The following GSPT1 variants were observed in gnomAD, a reference collection of about 807,000 sequenced individuals.
GSPT1 encodes G1 to S phase transition 1, also known as eukaryotic peptide chain release factor GTP-binding subunit ERF3A.
In GSPT1, 20 loss-of-function variants were observed where a neutral mutation model predicts 72.5. The ratio of observed to expected loss-of-function variants is 0.28; its 90% CI spans 0.19 to 0.40. The LOEUF is 0.40. GSPT1 is among the 10% of genes least tolerant of loss of function. The probability of loss-of-function intolerance (pLI) is 1.00; values close to 1 mark genes in which losing one functional copy is unlikely to be tolerated. For synonymous variants in GSPT1, 334 were observed against 293.5 expected (o/e 1.14, Z -1.41); for missense variants, 580 against 811.9 (o/e 0.71, Z 3.47).
In GSPT1 at chr16:11,894,764, A is replaced by G. The variant is rs540088172; in HGVS notation, c.698+190T>C. ...CTTAGCCTCTCAAAATGCTGGGATT[A>G]TAGGTGTGTTCCACCACACCAGGCC... is the stretch of plus-strand genomic sequence containing the variant. On this transcript the variant is annotated intron_variant, in intron 5 of 14. Coordinates refer to ENST00000434724, the MANE Select transcript of GSPT1 (RefSeq NM_002094.4). Among the ~76,000 whole-genome samples, 65 of 152,360 alleles carry G rather than the reference A, an allele frequency of 4.3e-4. No individual in the cohort carries two copies. The South Asian group carries it at 0.013, about 31-fold the overall frequency.
chr16:11,883,237 C>G lies in GSPT1; in HGVS notation c.1348-142G>C, dbSNP rs1164818123. 2.0e-5 allele frequency: 12 copies of G among 607,582 alleles called. No individual in the cohort carries two copies. The East Asian group carries it at 3.3e-4, about 17-fold the overall frequency. 37.6% of individuals were successfully genotyped at this position (607,582 alleles called of 1,614,324 possible). A position where few individuals can be genotyped will look rare whatever the true frequency, so the allele number is the denominator to read the frequency against. On this transcript the variant is annotated intron_variant, in intron 10 of 14. Transcript: ENST00000434724. ...AGAAGGCTTAGGTTCATCTTAAACTCAGTAACAAATACTCTATAATAATTT... is the reference window on the plus strand; with the variant it reads ...AGAAGGCTTAGGTTCATCTTAAACTGAGTAACAAATACTCTATAATAATTT...
chr16:11,884,804 C>T lies in GSPT1; in HGVS notation c.1347+377G>A, dbSNP rs369837119. Among the ~76,000 whole-genome samples the T allele has an allele frequency of 2.2e-4, 33 of 148,818 alleles. No individual in the cohort carries two copies. In the East Asian group the frequency reaches 3.0e-3, roughly 14 times the overall value. ...AAAGAAGGCCAGGTACGGTGGCTCA[C>T]GCCTGTAATCCCAGCACCTTGGGGG... On this transcript the variant is annotated intron_variant, in intron 10 of 14. Transcript: ENST00000434724.
intron 1 of GSPT1, among the ~76,000 whole-genome samples, chr16:11,914,123 C>T (rs577860656): frequency 2.6e-5 from 4 of 152,306 alleles, no homozygotes; most frequent in African/African-American, 9.6e-5. Context: ...GATGTCATGA[C>T]CCACCCCACT....
chr16:11,869,986 T>G lies in GSPT1; in HGVS notation c.*3133A>C, dbSNP rs991997469. The stretch of plus-strand genomic sequence containing the variant: ...CTACATCACAGTTCAAAGTCCCATA[T>G]TGTGAGAGCAGTACTTGTAGTTTAT... On this transcript the variant is annotated 3_prime_UTR_variant, in exon 15 of 15. Transcript: ENST00000434724. 6.6e-6 allele frequency: 1 copy of G among 152,216 alleles called. No homozygotes were observed. Among genetic ancestry groups the G allele is most frequent in the African/African-American group, 2.4e-5 (1 of 41,454 alleles). 9.4% of individuals were successfully genotyped at this position (152,216 alleles called of 1,614,324 possible).
intron 5 of GSPT1, among the ~76,000 whole-genome samples, chr16:11,892,115 G>A (rs1286598375): frequency 6.6e-6 from 1 of 150,816 alleles, no homozygotes; most frequent in East Asian, 2.0e-4. Context: ...AGGCTGAGGT[G>A]GGAGGATCCC....
chr16:11,893,638 G>A (rs185860329), intron 5 of GSPT1, among the ~76,000 whole-genome samples: 209 of 152,178 alleles, frequency 1.4e-3, no homozygotes, highest in African/African-American at 4.8e-3. Flanking sequence ...TGTTCTCCAC[G>A]TAGACATCTA....
At chr16:11,890,068 CT>C (rs1363357172) in intron 6 of GSPT1, among the ~76,000 whole-genome samples, 1 of 151,572 alleles carries the variant, frequency 6.6e-6, no homozygotes, top group Non-Finnish European at 1.5e-5. Flanking sequence ...TCACGCCATT[CT>C]CCTGCCTCAG....
At chr16:11,883,508 T>C (rs936690586) in intron 10 of GSPT1, among the ~76,000 whole-genome samples, 1 of 145,130 alleles carries the variant, frequency 6.9e-6, no homozygotes, top group Non-Finnish European at 1.5e-5. Context: ...TAATCCCAGC[T>C]ACTCCAGAGG....
chr16:11,893,409 G>A (rs936350515), intron 5 of GSPT1, among the ~76,000 whole-genome samples: 1 of 151,844 alleles, frequency 6.6e-6, no homozygotes, highest in African/African-American at 2.4e-5. Flanking sequence ...ACAGATATGA[G>A]CCACCATGCC....
chr16:11,896,366 A>G (rs2054338900), intron 4 of GSPT1, among the ~76,000 whole-genome samples, 192 bp downstream of exon 4: 1 of 152,174 alleles, frequency 6.6e-6, no homozygotes, highest in African/African-American at 2.4e-5. Context: ...GCCGTTACAG[A>G]ATTATTCATT....
intron 1 of GSPT1, among the ~76,000 whole-genome samples, chr16:11,903,682 C>A (rs2054446733): frequency 6.6e-6 from 1 of 152,088 alleles, no homozygotes. Context: ...CGGTGTGAGA[C>A]CCTGTCTCCA....
At position 11,915,206 on chromosome 16, in the gene GSPT1, A is replaced by G. The variant is rs1047364642; in HGVS notation, c.352+163T>C. 8 of 1,086,836 alleles carry G rather than the reference A, an allele frequency of 7.4e-6. No individual in the cohort carries two copies. The African/African-American group carries it at 1.3e-4, about 18-fold the overall frequency. 67.3% of individuals were successfully genotyped at this position (1,086,836 alleles called of 1,614,324 possible). A position where few individuals can be genotyped will look rare whatever the true frequency, so the allele number is the denominator to read the frequency against. On this transcript the variant is annotated intron_variant, in intron 1 of 14. Coordinates refer to ENST00000434724, the MANE Select transcript of GSPT1 (RefSeq NM_002094.4). ...GCCACCGCCGCGGGCCGCCCCGCGA[A>G]GGCCGGCTCCCGGGCTCGGGGCGCC... is the stretch of plus-strand genomic sequence containing the variant.
At chr16:11,898,414 C>A (rs1032940851) in intron 1 of GSPT1, among the ~76,000 whole-genome samples, 3 of 151,210 alleles carry the variant, frequency 2.0e-5, no homozygotes, top group Admixed American at 6.6e-5. Flanking sequence ...CTCTAGGTAA[C>A]CCAGCCCAAG....
At chr16:11,900,445 G>C (rs138072718) in intron 1 of GSPT1, among the ~76,000 whole-genome samples, 1 of 152,150 alleles carries the variant, frequency 6.6e-6, no homozygotes, top group Non-Finnish European at 1.5e-5. Flanking sequence ...AGTGGGGGAT[G>C]GAGGGGGTAG....
At chr16:11,916,023 C>T (rs1567457039), upstream of GSPT1, 21 of 656,098 alleles carry the variant, frequency 3.2e-5, no homozygotes, top group South Asian at 1.6e-4. Context: ...GCGGATTGAC[C>T]CCTCGCCGCC....
At position 11,894,947 on chromosome 16, in the gene GSPT1, G is replaced by A. The variant is rs2054315628; in HGVS notation, c.698+7C>T. The A allele has an allele frequency of 6.5e-7, 1 of 1,539,924 alleles. No homozygotes were observed. The highest frequency in any genetic ancestry group is 1.4e-5 in the African/African-American group (1 of 73,590). ...ACTCTGTTATTTAACAAAAGATACA[G>A]ACTTACATTATTTGTCCTCCAATGG... On this transcript the variant is annotated splice_region_variant and intron_variant, in intron 5 of 14. Transcript: ENST00000434724.
Position 11,875,827 on chromosome 16 carries a change from C to G in GSPT1, c.1795G>C (p.Gly599Arg). Reference protein sequence around the residue: ...QVCIARLRTAGTICLETFKDF... With the variant: ...QVCIARLRTARTICLETFKDF... ...TTAAAGGTCTCAAGGCAGATGGTTC[C>G]TGCTGTCCTTAAGCGAGCAATGCAT... The change falls in exon 14 of 15, where the codon GGA (glycine) becomes CGA (arginine). Residue 599 changes from glycine (G) to arginine (R), a missense_variant. Physicochemically the swap from Gly to Arg is moderately radical, Grantham distance 125 (BLOSUM62 -2). Transcript: ENST00000434724. 1 of 1,613,816 alleles carries G rather than the reference C, an allele frequency of 6.2e-7. No homozygotes were observed.
upstream of GSPT1, among the ~76,000 whole-genome samples, chr16:11,916,420 A>G (rs1009760980): frequency 1.3e-5 from 2 of 152,110 alleles, no homozygotes; most frequent in Non-Finnish European, 2.9e-5. Context: ...TGGGGAAGAA[A>G]AATACACTCA....
chr16:11,883,597 G>A (rs1251645505), intron 10 of GSPT1, among the ~76,000 whole-genome samples: 4 of 147,556 alleles, frequency 2.7e-5, no homozygotes, highest in Non-Finnish European at 5.9e-5. Flanking sequence ...TCCAGCTTGG[G>A]TAAAAGAGCA....
Sources: gnomAD v4.1 joint callset for allele counts (sites outside exome capture counted in the v4.1 genomes callset) on GRCh38, gnomAD v4.1.1 for gene constraint, MANE v1.5 for transcripts, NCBI Gene and HGNC (gene_info 2026-07-23, HGNC 2026-07-21) for gene names.